The following FBLN1 variants were observed in gnomAD, a reference collection of about 807,000 sequenced individuals.
FBLN1 encodes fibulin-1.
In FBLN1, 34 loss-of-function variants were observed where a neutral mutation model predicts 89.7. The observed-to-expected ratio is 0.38, with a 90% CI of 0.29 to 0.50. The LOEUF (loss-of-function observed/expected upper bound fraction) is 0.50. FBLN1 is among the 20% of genes least tolerant of loss of function. The pLI is 0.92. For synonymous variants in FBLN1, 393 were observed against 391.3 expected (o/e 1.00, Z -0.05); for missense variants, 777 against 988.1 (o/e 0.79, Z 2.86).
chr22:45,538,071 G>A (rs1342896039), intron 8 of FBLN1, among the ~76,000 whole-genome samples: 2 of 152,206 alleles, frequency 1.3e-5, no homozygotes, highest in Non-Finnish European at 1.5e-5. Flanking sequence ...CTCGGGAGCC[G>A]TCCCCTTACT....
chr22:45,600,239 C>A lies in FBLN1; in HGVS notation c.1973-68C>A, dbSNP rs984619864. The stretch of plus-strand genomic sequence containing the variant: ...AGCTCTGAAACTCCTCAAGGGAAAC[C>A]ATTTCCCAGATCTCTACGTTGCTGC... On this transcript the variant is annotated intron_variant, in intron 16 of 16. Coordinates refer to ENST00000327858, the MANE Select transcript of FBLN1 (RefSeq NM_006486.3). 5.0e-6 allele frequency: 8 copies of A among 1,597,010 alleles called. No individual in the cohort carries two copies. The African/African-American group carries it at 5.4e-5, about 11-fold the overall frequency.
chr22:45,562,913 C>T lies in FBLN1; in HGVS notation c.1698-11598C>T, dbSNP rs377504878. 185 of 1,613,724 alleles carry T rather than the reference C, an allele frequency of 1.1e-4. No homozygotes were observed. The highest frequency in any genetic ancestry group is 1.3e-4 in the Non-Finnish European group (158 of 1,179,992). ...TCTCTCTGCCCACTTTTCTTGCAGC[C>T]GCTGTGAGCGCTTGCCTTGCCATGA... On this transcript the variant is annotated intron_variant, in intron 14 of 16. Coordinates refer to ENST00000327858, the MANE Select transcript of FBLN1 (RefSeq NM_006486.3). The surrounding 1 kb of genome is among the most constrained non-coding windows in gnomAD (Gnocchi z 7.8).
intron 16 of FBLN1, among the ~76,000 whole-genome samples, chr22:45,598,612 A>G (rs1234335843): frequency 1.3e-5 from 2 of 152,100 alleles, no homozygotes; most frequent in East Asian, 3.9e-4. Context: ...CCGCTGGACA[A>G]TGCACACCCT....
At chr22:45,534,959 A>T (rs2088464947) in intron 7 of FBLN1, among the ~76,000 whole-genome samples, 2 of 152,248 alleles carry the variant, frequency 1.3e-5, no homozygotes, top group African/African-American at 2.4e-5. Flanking sequence ...GTGATTTATT[A>T]TAACAGACAG....
At position 45,575,255 on chromosome 22, in the gene FBLN1, G is replaced by A. The variant is rs896623029; in HGVS notation, c.1840+602G>A. Among the ~76,000 whole-genome samples, 1 of 152,122 alleles carries A rather than the reference G, an allele frequency of 6.6e-6. No homozygotes were observed. The highest frequency in any genetic ancestry group is 1.5e-5 in the Non-Finnish European group (1 of 68,032). On this transcript the variant is annotated intron_variant, in intron 15 of 16. Coordinates refer to ENST00000327858, the MANE Select transcript of FBLN1 (RefSeq NM_006486.3). The surrounding 1 kb of genome is among the most constrained non-coding windows in gnomAD (Gnocchi z 6.3). The stretch of plus-strand genomic sequence containing the variant: ...TGACCAGCACTGGAGAATCAGGGAG[G>A]GCCTCCGGGAGGAAGTGATGGCTAG...
At position 45,528,024 on chromosome 22, in the gene FBLN1, T is replaced by C. The variant is rs1304620683; in HGVS notation, c.484+15T>C. On this transcript the variant is annotated intron_variant, in intron 4 of 16. Transcript: ENST00000327858. The stretch of plus-strand genomic sequence containing the variant: ...CCAAGAAACGGGTAACTTTCCCCCT[T>C]CCTTCCCTAATGAGCAGTGTATTAA... 1 of 1,613,784 alleles carries C rather than the reference T, an allele frequency of 6.2e-7. No individual in the cohort carries two copies. Among genetic ancestry groups the C allele is most frequent in the Non-Finnish European group, 8.5e-7 (1 of 1,179,778 alleles).
chr22:45,546,464 T>C (rs2088629595), intron 11 of FBLN1, among the ~76,000 whole-genome samples: 1 of 152,216 alleles, frequency 6.6e-6, no homozygotes, highest in Non-Finnish European at 1.5e-5. Flanking sequence ...TCCGCCCACC[T>C]CGGCCTCCCG....
At chr22:45,523,024 C>G (rs2088271279) in intron 2 of FBLN1, 4 of 623,602 alleles carry the variant, frequency 6.4e-6, no homozygotes, top group South Asian at 2.0e-5. Flanking sequence ...TGTAGGAAGG[C>G]AGGATGTGCC....
In FBLN1 at chr22:45,577,235, C is replaced by G. The variant is rs781393938; in HGVS notation, c.1972+127C>G. On this transcript the variant is annotated intron_variant, in intron 16 of 16. Transcript: ENST00000327858. This position sits in a 1 kb window ranked among gnomAD's most constrained non-coding sequence, Gnocchi z 6.6. ...TTCAAGCCCACCCAACCTTCAGGGC[C>G]CAGCGCCGAGGCCACCACAGCTCCC... 4 of 1,103,274 alleles carry G rather than the reference C, an allele frequency of 3.6e-6. No homozygotes were observed. Among genetic ancestry groups the G allele is most frequent in the Non-Finnish European group, 5.3e-6 (4 of 749,064 alleles). 68.3% of individuals were successfully genotyped at this position (1,103,274 alleles called of 1,614,324 possible). A position where few individuals can be genotyped will look rare whatever the true frequency, so the allele number is the denominator to read the frequency against.
rs915722983 is a variant in FBLN1 at position 45,562,396 on chromosome 22, T to C, written c.1697+11781T>C. Among the ~76,000 whole-genome samples the C allele has an allele frequency of 1.3e-5, 2 of 152,152 alleles. No homozygotes were observed. The highest frequency in any genetic ancestry group is 2.9e-5 in the Non-Finnish European group (2 of 68,028). The stretch of plus-strand genomic sequence containing the variant: ...CCTCAGTGTCCTCATGTGAAAAATA[T>C]CACCGAAGCCACTGTCATGGGGTGG... On this transcript the variant is annotated intron_variant, in intron 14 of 16. Coordinates refer to ENST00000327858, the MANE Select transcript of FBLN1 (RefSeq NM_006486.3). The surrounding 1 kb of genome is among the most constrained non-coding windows in gnomAD (Gnocchi z 7.8).
intron 14 of FBLN1, among the ~76,000 whole-genome samples, chr22:45,554,964 TATACAGGAAG>T (rs71891451): frequency 0.013 from 1,973 of 151,430 alleles, 54 homozygotes; most frequent in African/African-American, 0.045. Context: ...GTGCTCATCC[TATACAGGAAG>T]TTAGGACCCG....
chr22:45,600,506 C>T lies in FBLN1; in HGVS notation c.*60C>T. The T allele has an allele frequency of 6.2e-7, 1 of 1,601,074 alleles. No homozygotes were observed. Among genetic ancestry groups the T allele is most frequent in the Non-Finnish European group, 8.6e-7 (1 of 1,168,280 alleles). On this transcript the variant is annotated 3_prime_UTR_variant, in exon 17 of 17. Transcript: ENST00000327858. ...CAGGCCAAATCATTGCTGCCAGTGA[C>T]TGTGGTCTGTACTTGTTTATACCCT... is the stretch of plus-strand genomic sequence containing the variant.
Position 45,545,505 on chromosome 22 carries a change from C to T in FBLN1, c.1322-1580C>T, listed in dbSNP as rs373140590. Among the ~76,000 whole-genome samples the T allele has an allele frequency of 2.6e-5, 4 of 152,162 alleles. No individual in the cohort carries two copies. The highest frequency in any genetic ancestry group is 3.9e-4 in the East Asian group (2 of 5,194). ...AGTCATTCATAAATTGCTGAAAAGT[C>T]GGCATTCATATCCACATTAGTGGAC... On this transcript the variant is annotated intron_variant, in intron 11 of 16. Coordinates refer to ENST00000327858, the MANE Select transcript of FBLN1 (RefSeq NM_006486.3). The surrounding 1 kb of genome is among the most constrained non-coding windows in gnomAD (Gnocchi z 5.9).
chr22:45,555,116 C>G (rs9614702), intron 14 of FBLN1, among the ~76,000 whole-genome samples: 4 of 151,160 alleles, frequency 2.6e-5, no homozygotes, highest in East Asian at 1.9e-4. Context: ...GGACCCGTCC[C>G]CGTCTCCACC....
At chr22:45,554,463 T>A (rs1446087899) in intron 14 of FBLN1, among the ~76,000 whole-genome samples, 1 of 152,154 alleles carries the variant, frequency 6.6e-6, no homozygotes, top group African/African-American at 2.4e-5. Context: ...ACTCCCCCGT[T>A]CAGTGCCCCT....
intron 1 of FBLN1, among the ~76,000 whole-genome samples, chr22:45,514,281 C>T (rs1446893576): frequency 2.0e-5 from 3 of 152,154 alleles, no homozygotes; most frequent in Admixed American, 1.3e-4. Context: ...CGCACCTTTT[C>T]TTGTGTGGGC....
In FBLN1 at chr22:45,508,337, C is replaced by G. The variant is rs185562343; in HGVS notation, c.79+5273C>G. Among the ~76,000 whole-genome samples, 325 of 141,300 alleles carry G rather than the reference C, an allele frequency of 2.3e-3. 1 individual carries two copies. Among genetic ancestry groups the G allele is most frequent in the African/African-American group, 8.3e-3 (316 of 38,024 alleles). The allele number at this position is 141,300 out of a possible 152,430, so 92.7% of individuals were successfully genotyped here. A position where few individuals can be genotyped will look rare whatever the true frequency, so the allele number is the denominator to read the frequency against. The stretch of plus-strand genomic sequence containing the variant: ...CTGTCTGGGGTGTGATCTTGGCTCA[C>G]TGCAACCTCTGCCTCCCAGGTTCAA... On this transcript the variant is annotated intron_variant, in intron 1 of 16. Transcript: ENST00000327858.
At position 45,545,136 on chromosome 22, in the gene FBLN1, G is replaced by C. The variant is rs1039663519; in HGVS notation, c.1321+1610G>C. 6.6e-6 allele frequency among the ~76,000 whole-genome samples: 1 copy of C among 152,226 alleles called. No individual in the cohort carries two copies. The highest frequency in any genetic ancestry group is 1.5e-5 in the Non-Finnish European group (1 of 68,040). On this transcript the variant is annotated intron_variant, in intron 11 of 16. Coordinates refer to ENST00000327858, the MANE Select transcript of FBLN1 (RefSeq NM_006486.3). This position sits in a 1 kb window ranked among gnomAD's most constrained non-coding sequence, Gnocchi z 5.9. ...TGTGGTGTGCATGATTCTCAAATCG[G>C]AGGACGGACGGTGTGAGGGGTCCTG...
At chr22:45,591,571 C>CTGCAT (rs1258175620) in intron 16 of FBLN1, among the ~76,000 whole-genome samples, 4 of 152,134 alleles carry the variant, frequency 2.6e-5, no homozygotes, top group African/African-American at 9.7e-5. Context: ...TGTTGACTGA[C>CTGCAT]ACTTAGTATT....
Sources: gnomAD v4.1 joint callset for allele counts (sites outside exome capture counted in the v4.1 genomes callset) on GRCh38, gnomAD v4.1.1 for gene constraint, Gnocchi (gnomAD v3.1) non-coding constraint, MANE v1.5 for transcripts, NCBI Gene and HGNC (gene_info 2026-07-23, HGNC 2026-07-21) for gene names.